The following RAB27B variants were observed in gnomAD, a reference collection of about 807,000 sequenced individuals.
RAB27B encodes the protein ras-related protein Rab-27B.
Under a neutral mutation model 24.6 loss-of-function variants are expected in RAB27B, and 15 were observed. The ratio of observed to expected loss-of-function variants is 0.61; its 90% CI spans 0.41 to 0.94. The LOEUF is 0.94. RAB27B is among the 40% of genes least tolerant of loss of function. The pLI is 0.00. For missense variants in RAB27B, 261 were observed against 266.8 expected, an observed-to-expected ratio of 0.98 and a Z score of 0.15; for synonymous variants, 105 against 92.5, an observed-to-expected ratio of 1.14 and a Z score of -0.78.
intron 1 of RAB27B, among the ~76,000 whole-genome samples, chr18:54,837,790 G>GTA (rs976645795): frequency 9.2e-5 from 14 of 152,178 alleles, no homozygotes; most frequent in African/African-American, 2.6e-4. Flanking sequence ...ATATATGTGT[G>GTA]TATATATATG....
chr18:54,839,583 C>G (rs1445406495), intron 1 of RAB27B, among the ~76,000 whole-genome samples: 2 of 152,088 alleles, frequency 1.3e-5, no homozygotes, highest in Non-Finnish European at 2.9e-5. Flanking sequence ...GTCCCAAGGA[C>G]AAATAAATAC....
intron 2 of RAB27B, among the ~76,000 whole-genome samples, chr18:54,778,118 C>G (rs1568062155): frequency 6.6e-6 from 1 of 152,202 alleles, no homozygotes; most frequent in Non-Finnish European, 1.5e-5. Context: ...CAATTTCCTT[C>G]TTACCAATAA....
intron 1 of RAB27B, among the ~76,000 whole-genome samples, chr18:54,832,949 G>A (rs1038357549): frequency 6.6e-6 from 1 of 152,124 alleles, no homozygotes; most frequent in Non-Finnish European, 1.5e-5. Context: ...TTGAAAAGAG[G>A]CCCCCAGAAA....
At chr18:54,767,534 T>G (rs1048760816) in intron 2 of RAB27B, among the ~76,000 whole-genome samples, 1 of 152,214 alleles carries the variant, frequency 6.6e-6, no homozygotes, top group Non-Finnish European at 1.5e-5. Flanking sequence ...AGGAAAGAAC[T>G]CTTTGTATCA....
intron 2 of RAB27B, among the ~76,000 whole-genome samples, chr18:54,793,890 AAT>A (rs2145116830): frequency 6.6e-6 from 1 of 152,336 alleles, no homozygotes; most frequent in South Asian, 2.1e-4. Flanking sequence ...TATTTTTAAA[AAT>A]AGTTACATTT....
intron 2 of RAB27B, among the ~76,000 whole-genome samples, chr18:54,791,035 T>C (rs1909230717): frequency 6.6e-6 from 1 of 152,214 alleles, no homozygotes; most frequent in South Asian, 2.1e-4. Flanking sequence ...AGTAGAATTT[T>C]GAAAACATCT....
intron 2 of RAB27B, among the ~76,000 whole-genome samples, chr18:54,746,100 C>T (rs986377832): frequency 1.3e-5 from 2 of 152,050 alleles, no homozygotes; most frequent in Non-Finnish European, 2.9e-5. Flanking sequence ...CAAGGAGATG[C>T]AGGTGGACAA....
chr18:54,887,669 T>C (rs1362280099), intron 4 of RAB27B, among the ~76,000 whole-genome samples: 1 of 152,142 alleles, frequency 6.6e-6, no homozygotes, highest in Non-Finnish European at 1.5e-5. Context: ...AGCGCATGGA[T>C]TAAAAAGATC....
In RAB27B at chr18:54,895,155, T is replaced by C. The variant is rs188715393; in HGVS notation, c.*5742T>C. On this transcript the variant is annotated 3_prime_UTR_variant, in exon 6 of 6. Transcript: ENST00000262094. ...GTGTTAAAAGTAGACGATGTTCTAA[T>C]ATAACACTGAAGTGCTTCATTGTAT... The C allele has an allele frequency of 6.6e-6, 1 of 152,236 alleles. No homozygotes were observed. The highest frequency in any genetic ancestry group is 1.9e-4 in the East Asian group (1 of 5,182). 9.4% of individuals were successfully genotyped at this position (152,236 alleles called of 1,614,324 possible). A position where few individuals can be genotyped will look rare whatever the true frequency, so the allele number is the denominator to read the frequency against.
intron 2 of RAB27B, among the ~76,000 whole-genome samples, chr18:54,803,444 G>A (rs1909672595): frequency 6.6e-6 from 1 of 152,102 alleles, no homozygotes. Context: ...AACAAAATGA[G>A]CAGTTTGCAT....
rs1227545459 is a variant in RAB27B, at chr18:54,889,503, A to G, written c.*90A>G. The G allele has an allele frequency of 1.8e-6, 2 of 1,142,240 alleles. No homozygotes were observed. Among genetic ancestry groups the G allele is most frequent in the Non-Finnish European group, 2.4e-6 (2 of 824,774 alleles). The allele number at this position is 1,142,240 out of a possible 1,614,324, so 70.8% of individuals were successfully genotyped here. On this transcript the variant is annotated 3_prime_UTR_variant, in exon 6 of 6. Transcript: ENST00000262094. ...CCACACAATTGTTGTTGAGTAAACC[A>G]CGCACAATGGCATGTCTTTCTTTTT...
At chr18:54,773,327 G>A (rs960710156) in intron 2 of RAB27B, among the ~76,000 whole-genome samples, 7 of 152,204 alleles carry the variant, frequency 4.6e-5, no homozygotes, top group African/African-American at 7.2e-5. Context: ...CAACCATGGC[G>A]TGCTGCCTTG....
chr18:54,723,574 A>G (rs1285758497), intron 2 of RAB27B, among the ~76,000 whole-genome samples: 1 of 152,192 alleles, frequency 6.6e-6, no homozygotes, highest in Non-Finnish European at 1.5e-5. Context: ...ATAATAAAAA[A>G]TTTTATTAAG....
Position 54,895,182 on chromosome 18 carries a change from C to A in RAB27B, c.*5769C>A, listed in dbSNP as rs1052740335. 6.6e-6 allele frequency: 1 copy of A among 151,964 alleles called. No homozygotes were observed. 9.4% of individuals were successfully genotyped at this position (151,964 alleles called of 1,614,324 possible). On this transcript the variant is annotated 3_prime_UTR_variant, in exon 6 of 6. Coordinates refer to ENST00000262094, the MANE Select transcript of RAB27B (RefSeq NM_004163.4). ...TAACACTGAAGTGCTTCATTGTATC[C>A]CAACAGTTTACCTTCAAGTAATATT...
At chr18:54,757,064 A>G (rs540702348) in intron 2 of RAB27B, among the ~76,000 whole-genome samples, 3 of 152,292 alleles carry the variant, frequency 2.0e-5, no homozygotes, top group South Asian at 2.1e-4. Flanking sequence ...ATTAGGCTCA[A>G]GGTTGCTGGT....
At chr18:54,819,295 A>C (rs746837027) in intron 2 of RAB27B, among the ~76,000 whole-genome samples, 3 of 148,182 alleles carry the variant, frequency 2.0e-5, no homozygotes, top group Non-Finnish European at 3.0e-5. Context: ...TACTATTAGA[A>C]ATATAATAAA....
chr18:54,768,451 A>C (rs1210978163), intron 2 of RAB27B, among the ~76,000 whole-genome samples: 1 of 152,128 alleles, frequency 6.6e-6, no homozygotes, highest in Non-Finnish European at 1.5e-5. Context: ...TTATGTATAG[A>C]TACATAATTT....
chr18:54,777,610 T>C (rs770113872), intron 2 of RAB27B, among the ~76,000 whole-genome samples: 3 of 152,244 alleles, frequency 2.0e-5, no homozygotes, highest in African/African-American at 4.8e-5. Context: ...GCAGTTTGTG[T>C]ACTCAGGAAG....
At chr18:54,772,249 A>G (rs1908573874) in intron 2 of RAB27B, among the ~76,000 whole-genome samples, 1 of 152,216 alleles carries the variant, frequency 6.6e-6, no homozygotes, top group Admixed American at 6.5e-5. Flanking sequence ...CCAGATATTT[A>G]GTAACATAAT....
Sources: allele counts gnomAD v4.1 joint callset (sites outside exome capture counted in the v4.1 genomes callset), GRCh38; gene constraint gnomAD v4.1.1; transcripts MANE v1.5; gene names NCBI Gene and HGNC (gene_info 2026-07-23, HGNC 2026-07-21).